Variants in TTC14 observed in about 807,000 individuals in gnomAD.
TTC14 encodes tetratricopeptide repeat domain 14.
In TTC14, 63 loss-of-function variants were observed where a neutral mutation model predicts 79.9. That is an observed-to-expected ratio of 0.79 (90% CI 0.64 to 0.97). The LOEUF (loss-of-function observed/expected upper bound fraction) is 0.97, where lower values mean the gene tolerates loss of function less well. Among genes scored for constraint, TTC14 ranks in the 50% least tolerant of loss-of-function variants. TTC14 has a pLI of 0.00. For synonymous variants in TTC14, 335 were observed against 309.6 expected (o/e 1.08, Z -0.86); for missense variants, 895 against 894.0 (o/e 1.00, Z -0.01).
At chr3:180,616,786 A>C (rs756922621) in intron 12 of TTC14, 1 of 1,595,612 alleles carries the variant, frequency 6.3e-7, no homozygotes, top group Non-Finnish European at 8.6e-7. Flanking sequence ...GACTTCAAAA[A>C]TGTAAATATG....
intron 12 of TTC14, chr3:180,617,093 A>G (rs1717275774): frequency 1.7e-6 from 1 of 591,784 alleles, no homozygotes; most frequent in Non-Finnish European, 2.8e-6. Context: ...ATTTCTGTTG[A>G]TGTACCTCTT....
chr3:180,608,538 G>A, intron 10 of TTC14, 163 bp from the exon 11 acceptor site: 1 of 1,243,136 alleles, frequency 8.0e-7, no homozygotes, highest in Middle Eastern at 3.2e-4. Context: ...ACATCTGTAT[G>A]ACTAATTTTT....
At position 180,605,729 on chromosome 3, in the gene TTC14, T is replaced by C. The variant is rs756430587; in HGVS notation, c.858-37T>C. 3 of 1,481,282 alleles carry C rather than the reference T, an allele frequency of 2.0e-6. No homozygotes were observed. The Admixed American group carries it at 6.6e-5, about 33-fold the overall frequency. 91.8% of individuals were successfully genotyped at this position (1,481,282 alleles called of 1,614,324 possible). Reference sequence around the variant, plus strand: ...TAAGTATAGTTACTTAAAAAATATTTGTGGTTTAACTTTTTAATTTTTATT... The same window carrying C: ...TAAGTATAGTTACTTAAAAAATATTCGTGGTTTAACTTTTTAATTTTTATT... On this transcript the variant is annotated intron_variant, in intron 6 of 11. Transcript: ENST00000296015.
chr3:180,610,530 G>T lies in TTC14; in HGVS notation c.2301G>T (p.Lys767Asn). ...IAEFEKEKGN[K>N]SKN Reference sequence around the variant, plus strand: ...AATTTGAAAAAGAAAAAGGAAATAAGTCAAAAAATTAATACACCAAGGATA... The same window carrying T: ...AATTTGAAAAAGAAAAAGGAAATAATTCAAAAAATTAATACACCAAGGATA... Residue 767 changes from lysine to asparagine, a missense_variant, in exon 12 of 12, where the codon AAG becomes AAT. Physicochemically the swap from Lys to Asn is moderately conservative, Grantham distance 94 (BLOSUM62 0). Coordinates refer to ENST00000296015, the MANE Select transcript of TTC14 (RefSeq NM_133462.4). 6.4e-7 allele frequency: 1 copy of T among 1,569,514 alleles called. No individual in the cohort carries two copies.
chr3:180,603,594 G>A (rs1560071065), intron 3 of TTC14: 1 of 417,910 alleles, frequency 2.4e-6, no homozygotes, highest in South Asian at 2.5e-5. Context: ...TGGACGTGGT[G>A]AGGTTGATTG....
intron 12 of TTC14, chr3:180,617,004 G>C: frequency 9.1e-7 from 1 of 1,104,588 alleles, no homozygotes; most frequent in Non-Finnish European, 1.2e-6. Context: ...TTTAGAATCA[G>C]AAATTGACTT....
intron 3 of TTC14, 161 bp from the exon 4 acceptor site, chr3:180,604,064 T>C (rs1716534251): frequency 1.5e-6 from 1 of 668,208 alleles, no homozygotes; most frequent in African/African-American, 1.8e-5. Context: ...TATTTTACTG[T>C]GTTTGGACAC....
At position 180,605,847 on chromosome 3, in the gene TTC14, C is replaced by CT. The variant is rs1560072697; in HGVS notation, c.929+11dup. On this transcript the variant is annotated intron_variant, in intron 7 of 11. Transcript: ENST00000296015. ...CTTGGGCTTTAAAATGGTATGAAGA[C>CT]TGTCTTTCAACAATTGCATTATATC... 6.3e-7 allele frequency: 1 copy of CT among 1,575,268 alleles called. No homozygotes were observed. The highest frequency in any genetic ancestry group is 8.6e-7 in the Non-Finnish European group (1 of 1,169,570).
chr3:180,602,757 A>C, intron 1 of TTC14, 134 bp from the exon 2 acceptor site: 1 of 1,127,722 alleles, frequency 8.9e-7, no homozygotes, highest in African/African-American at 1.6e-5. Context: ...CCTAGTTAAA[A>C]CTTTTTGTCT....
In TTC14 at chr3:180,602,985, G is replaced by A. The variant is rs1716455769; in HGVS notation, c.256G>A (p.Ala86Thr). The A allele has an allele frequency of 1.2e-6, 2 of 1,613,526 alleles. No individual in the cohort carries two copies. Among genetic ancestry groups the A allele is most frequent in the African/African-American group, 2.7e-5 (2 of 74,880 alleles). ...FALSWKSDAPATSEINEDSED... is the reference protein window; with the variant it reads ...FALSWKSDAPTTSEINEDSED... ...ACTTTCCTGGAAATCAGATGCACCTGCAACTTCTGAAATTAATGAAGACAG... is the reference window on the plus strand; with the variant it reads ...ACTTTCCTGGAAATCAGATGCACCTACAACTTCTGAAATTAATGAAGACAG... The change falls in exon 2 of 12, where the codon GCA becomes ACA. Residue 86 changes from alanine to threonine, a missense_variant. Coordinates refer to ENST00000296015, the MANE Select transcript of TTC14 (RefSeq NM_133462.4).
chr3:180,604,540 C>T lies in TTC14; in HGVS notation c.634C>T (p.Leu212Phe), dbSNP rs753408175. The part of the protein sequence containing the change: ...KLAVSLYSSS[L>F]PPHLSGIKLG... ...AGCAGTATCTCTGTATAGCTCTTCT[C>T]TTCCACCACACCTATCTGGTATTAA... The change falls in exon 5 of 12, where the codon CTT becomes TTT. Residue 212 changes from leucine (L) to phenylalanine (F), a missense_variant. Leu to Phe is a conservative substitution (Grantham distance 22). Transcript: ENST00000296015. 6.2e-7 allele frequency: 1 copy of T among 1,610,662 alleles called. No individual in the cohort carries two copies. Among genetic ancestry groups the T allele is most frequent in the Non-Finnish European group, 8.5e-7 (1 of 1,178,478 alleles).
At chr3:180,617,730 A>C (rs1717301905) in exon 13 of TTC14, 1 of 376,760 alleles carries the variant, frequency 2.7e-6, no homozygotes, top group Admixed American at 4.5e-5. Flanking sequence ...AAGAGTAAAA[A>C]AATTTTACAA....
Position 180,604,607 on chromosome 3 carries a change from G to A in TTC14, c.701G>A (p.Arg234Lys). 1 of 1,593,662 alleles carries A rather than the reference G, an allele frequency of 6.3e-7. No individual in the cohort carries two copies. The highest frequency in any genetic ancestry group is 8.5e-7 in the Non-Finnish European group (1 of 1,174,492). The change falls in exon 5 of 12, where the codon AGG becomes AAG. Residue 234 changes from arginine to lysine, a missense_variant and splice_region_variant. By Grantham distance (26) the Arg-to-Lys change is conservative (BLOSUM62 2). Transcript: ENST00000296015. Reference protein sequence around the residue: ...ISSEELPLYYRRSVELNSNSL... With the variant: ...ISSEELPLYYKRSVELNSNSL... Reference sequence around the variant, plus strand: ...TCTGAAGAGCTTCCTTTATACTACAGGTAATTTATCCGTATTATTTCAACA... The same window carrying A: ...TCTGAAGAGCTTCCTTTATACTACAAGTAATTTATCCGTATTATTTCAACA...
Position 180,610,163 on chromosome 3 carries a change from G to A in TTC14, c.1934G>A (p.Arg645Lys), listed in dbSNP as rs1463562744. ...RNSEDKIYGY[R>K]RFEKDIEGRK... ...TCAGAGGACAAGATTTATGGTTATA[G>A]GAGATTTGAAAAGGATATAGAGGGA... The change falls in exon 12 of 12, where the codon AGG becomes AAG. Residue 645 changes from arginine to lysine, a missense_variant. Coordinates refer to ENST00000296015, the MANE Select transcript of TTC14 (RefSeq NM_133462.4). The A allele has an allele frequency of 1.9e-6, 3 of 1,613,038 alleles. No homozygotes were observed. The African/African-American group carries it at 4.0e-5, about 22-fold the overall frequency.
In TTC14 at chr3:180,602,177, G is replaced by T. The variant is rs933065024; in HGVS notation, c.-85G>T. 4 of 1,534,722 alleles carry T rather than the reference G, an allele frequency of 2.6e-6. No individual in the cohort carries two copies. The highest frequency in any genetic ancestry group is 4.5e-5 in the East Asian group (2 of 44,338). ...CGGCAGCCTCCAGACAGTTTCTTCC[G>T]CTTCCTGTACCACCCGGCTCAAGTA... On this transcript the variant is annotated 5_prime_UTR_variant, in exon 1 of 12. Coordinates refer to ENST00000296015, the MANE Select transcript of TTC14 (RefSeq NM_133462.4).
intron 10 of TTC14, 126 bp from the exon 11 acceptor site, chr3:180,608,575 C>G: frequency 7.6e-7 from 1 of 1,310,946 alleles, no homozygotes; most frequent in Non-Finnish European, 9.8e-7. Context: ...CTGTTTAATG[C>G]TGGCTCTATG....
chr3:180,607,687 C>T lies in TTC14; in HGVS notation c.1212C>T (p.Tyr404=). ...AAAAGTTTTTAAATGCTGAAAGTTA[C>T]TATAAGAAAGCTTTGGCTTTGGATG... ...EEEKFLNAES[Y]YKKALALDET... The change falls in exon 10 of 12, where the codon TAC becomes TAT. Residue 404 remains tyrosine, a synonymous_variant. Coordinates refer to ENST00000296015, the MANE Select transcript of TTC14 (RefSeq NM_133462.4). The T allele has an allele frequency of 1.9e-6, 3 of 1,609,188 alleles. No individual in the cohort carries two copies. The highest frequency in any genetic ancestry group is 2.5e-6 in the Non-Finnish European group (3 of 1,178,368).
downstream of TTC14, among the ~76,000 whole-genome samples, chr3:180,616,065 G>A (rs1054420831): frequency 1.3e-5 from 2 of 152,194 alleles, no homozygotes; most frequent in Non-Finnish European, 2.9e-5. Context: ...ACTGGAAATA[G>A]TGACACCAGC....
intron 6 of TTC14, chr3:180,605,230 A>G (rs569468924): frequency 1.0e-5 from 4 of 389,656 alleles, no homozygotes; most frequent in South Asian, 1.8e-4. Context: ...GAAACTTTTT[A>G]TAAGAATTTT....
Sources: gnomAD v4.1 joint callset for allele counts (sites outside exome capture counted in the v4.1 genomes callset) on GRCh38, gnomAD v4.1.1 for gene constraint, MANE v1.5 for transcripts, NCBI Gene and HGNC (gene_info 2026-07-23, HGNC 2026-07-21) for gene names.